GP6: variants seen among roughly 807,000 people sequenced by gnomAD.
GP6 encodes the protein platelet glycoprotein VI.
Under a neutral mutation model 37.3 loss-of-function variants are expected in GP6, and 45 were observed. The observed-to-expected ratio is 1.21, with a 90% confidence interval of 0.95 to 1.55. The LOEUF (loss-of-function observed/expected upper bound fraction) is 1.55. GP6 is among the 40% of genes most tolerant of loss of function. GP6 has a pLI of 0.00. For synonymous variants in GP6, 340 were observed against 316.4 expected (o/e 1.07, Z -0.79); for missense variants, 813 against 760.2 (o/e 1.07, Z -0.82).
intron 4 of GP6, 135 bp downstream of exon 4, chr19:55,027,443 C>A: frequency 1.5e-6 from 1 of 650,392 alleles, no homozygotes. Flanking sequence ...CACTTCCTTC[C>A]CACCTACGGC....
At chr19:55,016,107 A>G (rs2073863726) in intron 6 of GP6, among the ~76,000 whole-genome samples, 1 of 151,346 alleles carries the variant, frequency 6.6e-6, no homozygotes, top group African/African-American at 2.4e-5. Context: ...GTACCACTGC[A>G]CTCTAGCCTG....
intron 5 of GP6, among the ~76,000 whole-genome samples, chr19:55,019,091 CTTCT>C (rs1373540901): frequency 3.5e-5 from 5 of 143,938 alleles, no homozygotes; most frequent in African/African-American, 1.3e-4. Flanking sequence ...AACTACCAGA[CTTCT>C]TTCTTTTTTT....
chr19:55,023,183 A>C (rs1335273918), intron 5 of GP6, among the ~76,000 whole-genome samples: 1 of 152,194 alleles, frequency 6.6e-6, no homozygotes, highest in African/African-American at 2.4e-5. Context: ...CAGAATAGAG[A>C]TCTCAGAAAT....
intron 3 of GP6, among the ~76,000 whole-genome samples, chr19:55,028,998 A>G (rs1011434178): frequency 6.6e-6 from 1 of 152,006 alleles, no homozygotes; most frequent in African/African-American, 2.4e-5. Context: ...TTGTCTCAAA[A>G]AAAGACAGAG....
chr19:55,037,186 T>C (rs1281070305), intron 1 of GP6, among the ~76,000 whole-genome samples: 1 of 152,084 alleles, frequency 6.6e-6, no homozygotes, highest in African/African-American at 2.4e-5. Context: ...AATCAGGAAA[T>C]AATGCATTCG....
chr19:55,014,830 C>T lies in GP6; in HGVS notation c.1115G>A (p.Gly372Glu), dbSNP rs2073795995. The stretch of plus-strand genomic sequence containing the variant: ...TTTCCACAGCTGTAGCCTCTGCCCT[C>T]CTGCTTCCACGCTCCACACACGCCA... Residue 372 changes from glycine to glutamate, a missense_variant, in exon 8 of 8, where the codon GGA (glycine) becomes GAA (glutamate). Physicochemically the swap from Gly to Glu is moderately conservative, Grantham distance 98. Transcript: ENST00000310373. The T allele has an allele frequency of 1.2e-6, 2 of 1,614,106 alleles. No homozygotes were observed. The highest frequency in any genetic ancestry group is 1.7e-6 in the Non-Finnish European group (2 of 1,179,988).
Position 55,028,010 on chromosome 19 carries a change from G to A in GP6, c.326-148C>T, listed in dbSNP as rs906429666. On this transcript the variant is annotated intron_variant, in intron 3 of 7. Coordinates refer to ENST00000310373, the MANE Select transcript of GP6 (RefSeq NM_001083899.2). ...ACTCCCCCACCCAAGCTCACAGAGA[G>A]GTCGAGTCACCCAGTGGTTGAGGAA... 1.6e-4 allele frequency: 130 copies of A among 793,800 alleles called. No homozygotes were observed. In the African/African-American group the frequency reaches 2.0e-3, roughly 12 times the overall value. 49.2% of individuals were successfully genotyped at this position (793,800 alleles called of 1,614,324 possible).
intron 1 of GP6, among the ~76,000 whole-genome samples, chr19:55,035,065 G>A (rs999032411): frequency 5.3e-5 from 8 of 152,162 alleles, no homozygotes; most frequent in East Asian, 1.9e-4. Context: ...CGTGCTGAGC[G>A]CCTTCTGTGC....
At position 55,015,678 on chromosome 19, in the gene GP6, C is replaced by T. The variant is rs1390805698; in HGVS notation, c.779+1G>A. 3 of 1,550,120 alleles carry T rather than the reference C, an allele frequency of 1.9e-6. No homozygotes were observed. Among genetic ancestry groups the T allele is most frequent in the Non-Finnish European group, 2.7e-6 (3 of 1,121,510 alleles). On this transcript the variant is annotated splice_donor_variant, in intron 7 of 7. Transcript: ENST00000310373. LOFTEE classifies it high-confidence loss of function. ...AAGGGGGTCTGGAGAGGATGACTTA[C>T]TCACCAGCTGGAGAGTCTGACTCCT... is the stretch of plus-strand genomic sequence containing the variant.
intron 5 of GP6, among the ~76,000 whole-genome samples, chr19:55,024,327 T>TGCACAC (rs1568613211): frequency 6.6e-5 from 2 of 30,218 alleles, no homozygotes; most frequent in African/African-American, 1.4e-4. Context: ...CACACACACA[T>TGCACAC]ATGCACGCAC....
At position 55,027,580 on chromosome 19, in the gene GP6, G is replaced by A; in HGVS notation, c.608C>T (p.Thr203Ile). 6.2e-7 allele frequency: 1 copy of A among 1,612,470 alleles called. No individual in the cohort carries two copies. The highest frequency in any genetic ancestry group is 8.5e-7 in the Non-Finnish European group (1 of 1,178,750). ...GGTTTGGTCTGCACTACCCCTACCT[G>A]TGACCACAAGCTCCAGGGGGTCGCT... The change falls in exon 4 of 8, where the codon ACA becomes ATA. Residue 203 changes from threonine (T) to isoleucine (I), a missense_variant and splice_region_variant. Thr to Ile is a moderately conservative substitution (Grantham distance 89). Coordinates refer to ENST00000310373, the MANE Select transcript of GP6 (RefSeq NM_001083899.2).
At chr19:55,016,819 G>A (rs1257550434) in intron 6 of GP6, among the ~76,000 whole-genome samples, 1 of 151,802 alleles carries the variant, frequency 6.6e-6, no homozygotes, top group African/African-American at 2.4e-5. Flanking sequence ...ACTTTGGGAG[G>A]CCAAGGTGGG....
rs1396561518 is a variant in GP6 at position 55,015,183 on chromosome 19, G to A, written c.780-18C>T. ...GGCAGGACCTGGAGGAATGAGGAGA[G>A]GCAGGAGCAGGTGAAAGAGCCCACC... is the stretch of plus-strand genomic sequence containing the variant. On this transcript the variant is annotated intron_variant, in intron 7 of 7. Coordinates refer to ENST00000310373, the MANE Select transcript of GP6 (RefSeq NM_001083899.2). 1.9e-6 allele frequency: 3 copies of A among 1,552,176 alleles called. No individual in the cohort carries two copies. In the South Asian group the frequency reaches 3.6e-5, roughly 18 times the overall value.
In GP6 at chr19:55,014,222, G is replaced by T; in HGVS notation, c.1723C>A (p.Leu575Met). Residue 575 changes from leucine (L) to methionine (M), a missense_variant, in exon 8 of 8, where the codon CTG becomes ATG. Coordinates refer to ENST00000310373, the MANE Select transcript of GP6 (RefSeq NM_001083899.2). ...AGGCTCAAGCCATTCTCCCACCTCA[G>T]CCCCCTGAGTTGCTGGGAGTATAGG... 1 of 805,004 alleles carries T rather than the reference G, an allele frequency of 1.2e-6. No individual in the cohort carries two copies. The highest frequency in any genetic ancestry group is 2.2e-6 in the Non-Finnish European group (1 of 464,290). The allele number at this position is 805,004 out of a possible 1,614,324, so 49.9% of individuals were successfully genotyped here.
chr19:55,033,648 A>G (rs2074699098), intron 1 of GP6, among the ~76,000 whole-genome samples: 1 of 152,188 alleles, frequency 6.6e-6, no homozygotes, highest in South Asian at 2.1e-4. Context: ...GTCTCCCAAT[A>G]TTAAATAATA....
At chr19:55,023,227 C>G (rs574817808) in intron 5 of GP6, among the ~76,000 whole-genome samples, 1 of 152,174 alleles carries the variant, frequency 6.6e-6, no homozygotes, top group Non-Finnish European at 1.5e-5. Flanking sequence ...TGATCTTCAA[C>G]AAACCTGACA....
At position 55,014,991 on chromosome 19, in the gene GP6, A is replaced by AGGG. The variant is rs1555793359; in HGVS notation, c.953_954insCCC (p.Ala318_Asp319insPro). ...CTGACCCCCGTTTGATTTCCGGGTC[A>AGGG]GCGGGAGGGGCGGGAGGGGCGGAAG... On this transcript the variant is annotated inframe_insertion, in exon 8 of 8. Coordinates refer to ENST00000310373, the MANE Select transcript of GP6 (RefSeq NM_001083899.2). The AGGG allele has an allele frequency of 4.5e-5, 72 of 1,611,844 alleles. No homozygotes were observed. Among genetic ancestry groups the AGGG allele is most frequent in the Non-Finnish European group, 5.3e-5 (63 of 1,179,064 alleles).
intron 7 of GP6, 100 bp downstream of exon 7, chr19:55,015,583 C>T (rs1166090599): frequency 1.3e-6 from 1 of 790,880 alleles, no homozygotes; most frequent in African/African-American, 1.7e-5. Flanking sequence ...ACACTGGAAC[C>T]CAAGATCTGA....
Position 55,019,158 on chromosome 19 carries a change from T to C in GP6, c.665-447A>G, listed in dbSNP as rs376777284. On this transcript the variant is annotated intron_variant, in intron 5 of 7. Coordinates refer to ENST00000310373, the MANE Select transcript of GP6 (RefSeq NM_001083899.2). ...TCTCATTCTGTTGCCCAGGCTGGAGTGCAGTGGCGCGATCTCAGCTCACTG... is the reference window on the plus strand; with the variant it reads ...TCTCATTCTGTTGCCCAGGCTGGAGCGCAGTGGCGCGATCTCAGCTCACTG... Among the ~76,000 whole-genome samples the C allele has an allele frequency of 2.1e-3, 311 of 146,412 alleles. 1 individual carries two copies. The highest frequency in any genetic ancestry group is 3.5e-3 in the Non-Finnish European group (238 of 67,274).
Sources: gnomAD v4.1 joint callset for allele counts (sites outside exome capture counted in the v4.1 genomes callset) on GRCh38, gnomAD v4.1.1 for gene constraint, MANE v1.5 for transcripts, NCBI Gene and HGNC (gene_info 2026-07-23, HGNC 2026-07-21) for gene names.